ESCO1: variants seen among roughly 807,000 people sequenced by gnomAD.
ESCO1 encodes the protein establishment of sister chromatid cohesion N-acetyltransferase 1, also known as N-acetyltransferase ESCO1.
In ESCO1, 33 loss-of-function variants were observed where a neutral mutation model predicts 83.5. The observed-to-expected ratio is 0.40, with a 90% CI of 0.30 to 0.53. The LOEUF (loss-of-function observed/expected upper bound fraction) is 0.53. Ranked by LOEUF, ESCO1 falls within the 20% of genes least tolerant of loss-of-function variation. ESCO1 has a pLI of 0.63. For missense variants in ESCO1, 855 were observed against 968.0 expected, an observed-to-expected ratio of 0.88 and a Z score of 1.55; for synonymous variants, 332 against 324.3, an observed-to-expected ratio of 1.02 and a Z score of -0.25.
intron 8 of ESCO1, among the ~76,000 whole-genome samples, chr18:21,542,848 A>C (rs774396524): frequency 1.3e-5 from 2 of 152,224 alleles, no homozygotes; most frequent in African/African-American, 2.4e-5. Flanking sequence ...AGAGGCGATA[A>C]AGTCCATCCA....
chr18:21,543,918 A>T (rs952266302), intron 8 of ESCO1, among the ~76,000 whole-genome samples: 5 of 152,252 alleles, frequency 3.3e-5, no homozygotes, highest in African/African-American at 1.2e-4. Context: ...CTTGATTTCA[A>T]CAATTAATTC....
chr18:21,550,852 C>T (rs966063757), intron 8 of ESCO1, among the ~76,000 whole-genome samples: 1 of 152,182 alleles, frequency 6.6e-6, no homozygotes, highest in African/African-American at 2.4e-5. Flanking sequence ...GTGGCTCACG[C>T]CTGTAATCCC....
At chr18:21,570,210 G>A (rs151284997) in intron 4 of ESCO1, among the ~76,000 whole-genome samples, 204 of 151,842 alleles carry the variant, frequency 1.3e-3, no homozygotes, top group Non-Finnish European at 2.3e-3. Context: ...AGGTCCTCCC[G>A]CCTCAGCCTC....
chr18:21,563,995 CAT>C (rs1262672207), intron 7 of ESCO1, among the ~76,000 whole-genome samples: 1 of 152,034 alleles, frequency 6.6e-6, no homozygotes, highest in Non-Finnish European at 1.5e-5. Flanking sequence ...TCTCTCTGCA[CAT>C]GAGCTCACTC....
intron 10 of ESCO1, among the ~76,000 whole-genome samples, chr18:21,534,759 C>G (rs2037811916): frequency 6.6e-6 from 1 of 151,720 alleles, no homozygotes; most frequent in South Asian, 2.1e-4. Context: ...TCACGAGTAA[C>G]TGGGATTACA....
intron 9 of ESCO1, among the ~76,000 whole-genome samples, chr18:21,538,585 A>G (rs1450091297): frequency 6.6e-6 from 1 of 152,222 alleles, no homozygotes; most frequent in Non-Finnish European, 1.5e-5. Context: ...TAAGAATCAG[A>G]AAATAAACTT....
At position 21,574,458 on chromosome 18, in the gene ESCO1, G is replaced by A. The variant is rs143162931; in HGVS notation, c.386C>T (p.Thr129Ile). The A allele has an allele frequency of 1.4e-5, 23 of 1,613,640 alleles. No individual in the cohort carries two copies. The highest frequency in any genetic ancestry group is 4.0e-5 in the African/African-American group (3 of 74,910). Residue 129 changes from threonine to isoleucine, a missense_variant, in exon 4 of 12, where the codon ACA (threonine) becomes ATA (isoleucine). Around this residue, in one of 2 missense-constraint regions of ESCO1, gnomAD observed 726 missense variants for 699.5 expected, o/e 1.04. Coordinates refer to ENST00000269214, the MANE Select transcript of ESCO1 (RefSeq NM_052911.3). Reference sequence around the variant, plus strand: ...GCGTAACGACCTTCTTGAAACCTCTGTTAATTGTTGTAGCCTTTGTGATCT... The same window carrying A: ...GCGTAACGACCTTCTTGAAACCTCTATTAATTGTTGTAGCCTTTGTGATCT... The part of the protein sequence containing the change: ...NRRSQRLQQL[T>I]EVSRRSLRSR...
In ESCO1 at chr18:21,574,975, T is replaced by A. The variant is rs1010282423; in HGVS notation, c.-132A>T. The A allele has an allele frequency of 3.2e-6, 2 of 633,762 alleles. No individual in the cohort carries two copies. Among genetic ancestry groups the A allele is most frequent in the Non-Finnish European group, 5.1e-6 (2 of 393,074 alleles). 39.3% of individuals were successfully genotyped at this position (633,762 alleles called of 1,614,324 possible). ...AAATCAACTTTAACTGATGCTGATA[T>A]ACATTTTCAACAAAAATACTAGTTT... On this transcript the variant is annotated 5_prime_UTR_variant, in exon 4 of 12. Transcript: ENST00000269214.
chr18:21,541,087 T>C (rs918835162), intron 8 of ESCO1, among the ~76,000 whole-genome samples: 18 of 152,234 alleles, frequency 1.2e-4, no homozygotes, highest in African/African-American at 4.3e-4. Context: ...AAATTCTAGG[T>C]AATAAGCTTG....
intron 1 of ESCO1, among the ~76,000 whole-genome samples, chr18:21,599,336 C>G (rs1412666516): frequency 6.6e-6 from 1 of 152,156 alleles, no homozygotes; most frequent in African/African-American, 2.4e-5. Flanking sequence ...GAGCGAGACC[C>G]CGTCTCAAAA....
chr18:21,556,431 G>C (rs2038113112), intron 8 of ESCO1, among the ~76,000 whole-genome samples: 1 of 152,030 alleles, frequency 6.6e-6, no homozygotes. Context: ...TAAAGATTAA[G>C]CAAGAGTTAC....
At chr18:21,585,303 T>C (rs2038559650) in intron 1 of ESCO1, among the ~76,000 whole-genome samples, 2 of 152,224 alleles carry the variant, frequency 1.3e-5, no homozygotes. Context: ...ACATGCCTTA[T>C]TTTGGCCTCG....
At chr18:21,600,250 G>A (rs3752099) in intron 1 of ESCO1, among the ~76,000 whole-genome samples, 73,595 of 152,216 alleles carry the variant, frequency 0.48, 21,216 homozygotes, top group Non-Finnish European at 0.65. Context: ...GCGCTGCCCC[G>A]GTGCTAGCAA....
chr18:21,556,828 G>A (rs2038119136), intron 8 of ESCO1, among the ~76,000 whole-genome samples: 1 of 152,098 alleles, frequency 6.6e-6, no homozygotes. Context: ...AGCCTCCTGA[G>A]TAGCTGGGAT....
At chr18:21,553,959 T>C (rs979446457) in intron 8 of ESCO1, among the ~76,000 whole-genome samples, 5 of 147,652 alleles carry the variant, frequency 3.4e-5, no homozygotes, top group African/African-American at 1.2e-4. Context: ...GATTGAAAAA[T>C]TAAAATTAAA....
rs1263232516 is a variant in ESCO1, at chr18:21,592,799, C to G, written c.-825+7824G>C. ...GGGGCTCCTCACTTCTCAGACGGGG[C>G]GGCTGCCGGGCGGAGGGGCTCCTCA... On this transcript the variant is annotated intron_variant, in intron 1 of 11. Coordinates refer to ENST00000269214, the MANE Select transcript of ESCO1 (RefSeq NM_052911.3). Among the ~76,000 whole-genome samples the G allele has an allele frequency of 7.6e-5, 11 of 145,122 alleles. No individual in the cohort carries two copies. The East Asian group carries it at 8.9e-4, about 12-fold the overall frequency.
intron 2 of ESCO1, among the ~76,000 whole-genome samples, chr18:21,578,663 TGAGTAACA>T: frequency 6.6e-6 from 1 of 151,768 alleles, no homozygotes. Context: ...CAGACCAGAC[TGAGTAACA>T]GAGCAAGATC....
At chr18:21,577,404 A>G (rs1370720996) in intron 2 of ESCO1, among the ~76,000 whole-genome samples, 5 of 147,606 alleles carry the variant, frequency 3.4e-5, no homozygotes, top group African/African-American at 1.3e-4. Context: ...TCACACCTGT[A>G]ATCCCAGCAC....
At position 21,579,794 on chromosome 18, in the gene ESCO1, G is replaced by GCA. The variant is rs765904584; in HGVS notation, c.-693-4019_-693-4018dup. 9.0e-3 allele frequency among the ~76,000 whole-genome samples: 334 copies of GCA among 37,154 alleles called. 8 individuals are homozygous for GCA. The highest frequency in any genetic ancestry group is 0.076 in the Middle Eastern group (5 of 66). The allele number at this position is 37,154 out of a possible 152,430, so 24.4% of individuals were successfully genotyped here. ...CTGACACACACACACACGCGCGCGC[G>GCA]CACACACACACACACACACACACAC... On this transcript the variant is annotated intron_variant, in intron 2 of 11. Coordinates refer to ENST00000269214, the MANE Select transcript of ESCO1 (RefSeq NM_052911.3).
Sources: gnomAD v4.1 joint callset for allele counts (sites outside exome capture counted in the v4.1 genomes callset) on GRCh38, gnomAD v4.1.1 for gene constraint, gnomAD v4.1.1 regional missense constraint, MANE v1.5 for transcripts, NCBI Gene and HGNC (gene_info 2026-07-23, HGNC 2026-07-21) for gene names.